PRRC2A: variants seen among roughly 807,000 people sequenced by gnomAD.
The protein encoded by PRRC2A is proline rich coiled-coil 2A, also known as protein PRRC2A.
Under a neutral mutation model 224.6 loss-of-function variants are expected in PRRC2A, and 59 were observed. The observed-to-expected ratio is 0.26, with a 90% confidence interval of 0.21 to 0.33. The LOEUF is 0.33. Among genes scored for constraint, PRRC2A ranks in the 10% least tolerant of loss-of-function variants. PRRC2A has a pLI of 1.00. For missense variants in PRRC2A, 3,095 were observed against 2,880.7 expected (o/e 1.07, Z -1.70); for synonymous variants, 1,194 against 1,109.5 (o/e 1.08, Z -1.51).
At chr6:31,628,343 G>T (rs1285031027) in intron 12 of PRRC2A, 104 bp downstream of exon 12, 3 of 1,451,038 alleles carry the variant, frequency 2.1e-6, no homozygotes, top group Non-Finnish European at 2.7e-6. Flanking sequence ...GAAGGCAGTT[G>T]TTTTGGTTTA....
chr6:31,632,754 G>T lies in PRRC2A; in HGVS notation c.4081G>T (p.Ala1361Ser). The T allele has an allele frequency of 6.2e-7, 1 of 1,613,120 alleles. No individual in the cohort carries two copies. The highest frequency in any genetic ancestry group is 8.5e-7 in the Non-Finnish European group (1 of 1,180,044). ...VGTPGGGGGG[A>S]VPGISAMSRG... ...AACTCCTGGGGGAGGTGGAGGTGGAGCCGTACCAGGTATTTCAGCCATGTC... is the reference window on the plus strand; with the variant it reads ...AACTCCTGGGGGAGGTGGAGGTGGATCCGTACCAGGTATTTCAGCCATGTC... The change falls in exon 16 of 31, where the codon GCC becomes TCC. Residue 1361 changes from alanine (A) to serine (S), a missense_variant. Ala to Ser is a moderately conservative substitution (Grantham distance 99). Coordinates refer to ENST00000376033, the MANE Select transcript of PRRC2A (RefSeq NM_004638.4).
rs774001277 is a variant in PRRC2A, at chr6:31,630,683, C to G, written c.2347C>G (p.Pro783Ala). 1 of 1,614,178 alleles carries G rather than the reference C, an allele frequency of 6.2e-7. No individual in the cohort carries two copies. Among genetic ancestry groups the G allele is most frequent in the Admixed American group, 1.7e-5 (1 of 60,010 alleles). ...APAMLRERGTPPVDPKLAWVG... is the reference protein window; with the variant it reads ...APAMLRERGTAPVDPKLAWVG... ...TGCTATGTTACGGGAACGGGGCACT[C>G]CACCGGTGGATCCAAAGTTGGCCTG... The change falls in exon 15 of 31, where the codon CCA (proline) becomes GCA (alanine). Residue 783 changes from proline to alanine, a missense_variant. Transcript: ENST00000376033.
At chr6:31,621,311 T>G (rs1004077611) in intron 1 of PRRC2A, among the ~76,000 whole-genome samples, 31 of 151,932 alleles carry the variant, frequency 2.0e-4, no homozygotes, top group African/African-American at 7.0e-4. Flanking sequence ...TGGACGCCCC[T>G]CTTCGTGTCG....
At chr6:31,633,680 C>A in intron 17 of PRRC2A, 33 bp downstream of exon 17, 1 of 1,580,172 alleles carries the variant, frequency 6.3e-7, no homozygotes, top group African/African-American at 1.3e-5. Flanking sequence ...GGGAATATCT[C>A]CATCCCCAGA....
At chr6:31,630,276 C>T (rs1342168829) in intron 14 of PRRC2A, among the ~76,000 whole-genome samples, 1 of 152,188 alleles carries the variant, frequency 6.6e-6, no homozygotes, top group African/African-American at 2.4e-5. Context: ...GAGATTGTGC[C>T]ATCGCACTCC....
chr6:31,631,813 G>T lies in PRRC2A; in HGVS notation c.3140G>T (p.Arg1047Leu), dbSNP rs765842777. The T allele has an allele frequency of 1.9e-6, 3 of 1,591,964 alleles. No individual in the cohort carries two copies. The highest frequency in any genetic ancestry group is 2.6e-6 in the Non-Finnish European group (3 of 1,167,346). Residue 1047 changes from arginine to leucine, a missense_variant, in exon 16 of 31, where the codon CGG (arginine) becomes CTG (leucine). Physicochemically the swap from Arg to Leu is moderately radical, Grantham distance 102 (BLOSUM62 -2). Coordinates refer to ENST00000376033, the MANE Select transcript of PRRC2A (RefSeq NM_004638.4). This position sits in a 1 kb window ranked among gnomAD's most constrained non-coding sequence, Gnocchi z 4.5. ...CGGGGGACCTATGGGGGACGAGGGC[G>T]GGGAGCCCGAAGCCGGGAATTCCGC... is the stretch of plus-strand genomic sequence containing the variant. Reference protein sequence around the residue: ...GFRGTYGGRGRGARSREFRSY... With the variant: ...GFRGTYGGRGLGARSREFRSY...
rs1776322195 is a variant in PRRC2A, at chr6:31,629,705, C to G, written c.2114C>G (p.Pro705Arg). Residue 705 changes from proline (P) to arginine (R), a missense_variant, in exon 14 of 31, where the codon CCA becomes CGA. Physicochemically the swap from Pro to Arg is moderately radical, Grantham distance 103 (BLOSUM62 -2). Around this residue, in one of 8 missense-constraint regions of PRRC2A, gnomAD observed 2,001 missense variants for 1,764.9 expected, o/e 1.13. Coordinates refer to ENST00000376033, the MANE Select transcript of PRRC2A (RefSeq NM_004638.4). ...APPPPPKALYPGALGRPPPMP... is the reference protein window; with the variant it reads ...APPPPPKALYRGALGRPPPMP... Reference sequence around the variant, plus strand: ...CCCCCGCCCCCCAAGGCCCTGTACCCAGGTGCTCTGGGCCGGCCCCCACCC... The same window carrying G: ...CCCCCGCCCCCCAAGGCCCTGTACCGAGGTGCTCTGGGCCGGCCCCCACCC... 1 of 1,604,200 alleles carries G rather than the reference C, an allele frequency of 6.2e-7. No homozygotes were observed. Among genetic ancestry groups the G allele is most frequent in the East Asian group, 2.2e-5 (1 of 44,810 alleles).
At chr6:31,621,665 C>T (rs921050661) in intron 1 of PRRC2A, among the ~76,000 whole-genome samples, 12 of 152,200 alleles carry the variant, frequency 7.9e-5, no homozygotes, top group African/African-American at 2.7e-4. Flanking sequence ...TTATCTCTAG[C>T]TTGTCATAAA....
At position 31,634,912 on chromosome 6, in the gene PRRC2A, G is replaced by A; in HGVS notation, c.5095G>A (p.Glu1699Lys). The stretch of plus-strand genomic sequence containing the variant: ...CTCACCCCTGAATGCTGTTCCTTGT[G>A]AGGGTCCACCTGGCTCTGAACCTCC... The part of the protein sequence containing the change: ...GSSPLNAVPC[E>K]GPPGSEPPRR... Residue 1699 changes from glutamate to lysine, a missense_variant, in exon 21 of 31, where the codon GAG (glutamate) becomes AAG (lysine). By Grantham distance (56) the Glu-to-Lys change is moderately conservative (BLOSUM62 1). Coordinates refer to ENST00000376033, the MANE Select transcript of PRRC2A (RefSeq NM_004638.4). The A allele has an allele frequency of 6.2e-7, 1 of 1,612,990 alleles. No individual in the cohort carries two copies. Among genetic ancestry groups the A allele is most frequent in the Non-Finnish European group, 8.5e-7 (1 of 1,180,024 alleles).
At position 31,634,658 on chromosome 6, in the gene PRRC2A, G is replaced by A. The variant is rs911000321; in HGVS notation, c.4936-95G>A. 3 of 1,569,262 alleles carry A rather than the reference G, an allele frequency of 1.9e-6. No homozygotes were observed. The African/African-American group carries it at 4.1e-5, about 21-fold the overall frequency. ...TGAGTCTGGAGCTGTTCTCTCACTT[G>A]GCTGTCCCCTTTCTGCAGTTTGTAT... On this transcript the variant is annotated intron_variant, in intron 20 of 30. Coordinates refer to ENST00000376033, the MANE Select transcript of PRRC2A (RefSeq NM_004638.4).
At chr6:31,634,410 T>C (rs1479952376) in intron 19 of PRRC2A, 45 bp downstream of exon 19, 2 of 1,612,040 alleles carry the variant, frequency 1.2e-6, no homozygotes, top group Admixed American at 1.7e-5. Context: ...GGGTTAAGAA[T>C]GAGAGGGGCT....
In PRRC2A at chr6:31,623,760, C is replaced by T. The variant is rs145884373; in HGVS notation, c.141C>T (p.Leu47=). ...CCCCTCGCCATGGCCTGCAGAGTCT[C>T]GGGAAAGTTGCCATTGCCCGGCGTA... ...AVAPRHGLQS[L]GKVAIARRMP... The change falls in exon 3 of 31, where the codon CTC becomes CTT. Residue 47 remains leucine (L), a synonymous_variant. Transcript: ENST00000376033. 1.7e-4 allele frequency: 271 copies of T among 1,614,102 alleles called. No individual in the cohort carries two copies. Among genetic ancestry groups the T allele is most frequent in the Non-Finnish European group, 2.2e-4 (258 of 1,180,030 alleles).
Position 31,622,742 on chromosome 6 carries a change from G to C in PRRC2A, c.-48G>C. ...TGGCCCACAGGCTCTGGCACGTTTT[G>C]GGGGAGGTGCCTGCAGGACCCAACA... On this transcript the variant is annotated 5_prime_UTR_variant, in exon 2 of 31. Coordinates refer to ENST00000376033, the MANE Select transcript of PRRC2A (RefSeq NM_004638.4). 7.0e-7 allele frequency: 1 copy of C among 1,438,464 alleles called. No individual in the cohort carries two copies. Among genetic ancestry groups the C allele is most frequent in the South Asian group, 1.1e-5 (1 of 87,286 alleles). The allele number at this position is 1,438,464 out of a possible 1,614,324, so 89.1% of individuals were successfully genotyped here.
chr6:31,626,630 A>G, intron 9 of PRRC2A, 142 bp from the exon 10 acceptor site: 1 of 720,188 alleles, frequency 1.4e-6, no homozygotes, highest in Non-Finnish European at 2.3e-6. Context: ...AGGAGTAAGA[A>G]TGACAAGACT....
At position 31,626,046 on chromosome 6, in the gene PRRC2A, G is replaced by C. The variant is rs201317702; in HGVS notation, c.866G>C (p.Arg289Pro). 1 of 1,606,090 alleles carries C rather than the reference G, an allele frequency of 6.2e-7. No individual in the cohort carries two copies. Among genetic ancestry groups the C allele is most frequent in the South Asian group, 1.1e-5 (1 of 89,786 alleles). The change falls in exon 9 of 31, where the codon CGA becomes CCA. Residue 289 changes from arginine to proline, a missense_variant. Coordinates refer to ENST00000376033, the MANE Select transcript of PRRC2A (RefSeq NM_004638.4). ...PSRFPRVAGPRGSGPPMRLVE... is the reference protein window; with the variant it reads ...PSRFPRVAGPPGSGPPMRLVE... ...CGTTTTCCCCGTGTGGCGGGCCCCC[G>C]AGGCTCAGGGCCACCAATGCGCTTA... is the stretch of plus-strand genomic sequence containing the variant.
At position 31,631,714 on chromosome 6, in the gene PRRC2A, C is replaced by T. The variant is rs762847227; in HGVS notation, c.3041C>T (p.Ser1014Leu). 9 of 1,518,152 alleles carry T rather than the reference C, an allele frequency of 5.9e-6. No individual in the cohort carries two copies. The highest frequency in any genetic ancestry group is 2.6e-5 in the South Asian group (2 of 75,760). 94.0% of individuals were successfully genotyped at this position (1,518,152 alleles called of 1,614,324 possible). ...GCCCCAAGGCTTCGGAGGGACTATT[C>T]GTATGAAAGAGTGGGTCCTACCTCT... ...SPAPRLRRDY[S>L]YERVGPTSCR... Residue 1014 changes from serine (S) to leucine (L), a missense_variant, in exon 16 of 31, where the codon TCG (serine) becomes TTG (leucine). Ser to Leu is a moderately radical substitution (Grantham distance 145). This residue lies in a region of PRRC2A where 2,001 missense variants were observed against 1,764.9 expected (regional missense o/e 1.13). Coordinates refer to ENST00000376033, the MANE Select transcript of PRRC2A (RefSeq NM_004638.4). This position sits in a 1 kb window ranked among gnomAD's most constrained non-coding sequence, Gnocchi z 4.5.
At chr6:31,622,600 G>C (rs1775415673) in intron 1 of PRRC2A, 90 bp from the exon 2 acceptor site, 1 of 552,918 alleles carries the variant, frequency 1.8e-6, no homozygotes, top group African/African-American at 1.9e-5. Context: ...AGTTTACATA[G>C]ACTGGAGGAA....
chr6:31,633,905 G>GC lies in PRRC2A; in HGVS notation c.4635_4636insC (p.Thr1546HisfsTer9). 1 of 1,479,672 alleles carries GC rather than the reference G, an allele frequency of 6.8e-7. No homozygotes were observed. Among genetic ancestry groups the GC allele is most frequent in the Non-Finnish European group, 9.1e-7 (1 of 1,094,648 alleles). The allele number at this position is 1,479,672 out of a possible 1,614,324, so 91.7% of individuals were successfully genotyped here. On this transcript the variant is annotated frameshift_variant, in exon 18 of 31. Transcript: ENST00000376033. LOFTEE classifies it high-confidence loss of function. ...GGCCAATGGTGAGAGGGGTGGGTGG[G>GC]ACTCCTCGGGACTCTGCCGGGGTTA...
At position 31,631,119 on chromosome 6, in the gene PRRC2A, C is replaced by T. The variant is rs1482895336; in HGVS notation, c.2466-20C>T. On this transcript the variant is annotated intron_variant, in intron 15 of 30. Coordinates refer to ENST00000376033, the MANE Select transcript of PRRC2A (RefSeq NM_004638.4). This position sits in a 1 kb window ranked among gnomAD's most constrained non-coding sequence, Gnocchi z 4.5. Reference sequence around the variant, plus strand: ...TTTTCCTGAGATACTTATTTCCATTCTTTCTGTCTGTCTCTTCAGGAGCGA... The same window carrying T: ...TTTTCCTGAGATACTTATTTCCATTTTTTCTGTCTGTCTCTTCAGGAGCGA... 2.7e-6 allele frequency: 4 copies of T among 1,465,198 alleles called. No homozygotes were observed. The highest frequency in any genetic ancestry group is 2.8e-6 in the Non-Finnish European group (3 of 1,088,298). The allele number at this position is 1,465,198 out of a possible 1,614,324, so 90.8% of individuals were successfully genotyped here. A position where few individuals can be genotyped will look rare whatever the true frequency, so the allele number is the denominator to read the frequency against.
Sources: allele counts gnomAD v4.1 joint callset (sites outside exome capture counted in the v4.1 genomes callset), GRCh38; gene constraint gnomAD v4.1.1; regional missense constraint gnomAD v4.1.1; non-coding constraint Gnocchi (gnomAD v3.1); transcripts MANE v1.5; gene names NCBI Gene and HGNC (gene_info 2026-07-23, HGNC 2026-07-21).